The following ABR variants were observed in gnomAD, a reference collection of about 807,000 sequenced individuals.
The protein encoded by ABR is ABR activator of RhoGEF and GTPase, also known as active breakpoint cluster region-related protein.
ABR carries 35 observed loss-of-function variants against 107.2 expected under a neutral mutation model. That is an observed-to-expected ratio of 0.33 (90% confidence interval 0.25 to 0.43). ABR has a LOEUF of 0.43. Ranked by LOEUF, ABR falls within the 20% of genes least tolerant of loss-of-function variation. The pLI, the probability that ABR is intolerant of heterozygous loss-of-function variation, is 1.00. For missense variants in ABR, 815 were observed against 1,115.2 expected (o/e 0.73, Z 3.83); for synonymous variants, 498 against 462.0 (o/e 1.08, Z -1.00).
chr17:1,066,618 T>C (rs1045779155), intron 10 of ABR, among the ~76,000 whole-genome samples: 20 of 151,810 alleles, frequency 1.3e-4, no homozygotes, highest in African/African-American at 4.1e-4. Context: ...AACCTCCACC[T>C]CCCGGGTTCA....
intron 3 of ABR, among the ~76,000 whole-genome samples, chr17:1,093,941 G>A (rs2037212594): frequency 6.6e-6 from 1 of 152,198 alleles, no homozygotes; most frequent in Non-Finnish European, 1.5e-5. Context: ...GGACAAAGCA[G>A]GACCCTCCTT....
At chr17:1,026,274 C>T (rs2072186587) in intron 16 of ABR, among the ~76,000 whole-genome samples, 2 of 152,264 alleles carry the variant, frequency 1.3e-5, no homozygotes, top group Non-Finnish European at 2.9e-5. Flanking sequence ...CTCCCACCGG[C>T]CTGGCGCCCT....
chr17:1,204,444 CAAAA>C (rs1313372297), intron 1 of ABR, among the ~76,000 whole-genome samples: 3 of 151,994 alleles, frequency 2.0e-5, no homozygotes, highest in Admixed American at 6.6e-5. Flanking sequence ...GACTCTGTCT[CAAAA>C]AACAAACAAA....
chr17:1,060,599 G>A (rs2033811547), intron 10 of ABR, among the ~76,000 whole-genome samples: 1 of 152,150 alleles, frequency 6.6e-6, no homozygotes, highest in Non-Finnish European at 1.5e-5. Flanking sequence ...GTGGCGACCA[G>A]CTTTACCCTG....
chr17:1,192,594 T>C (rs1184921225), intron 1 of ABR, among the ~76,000 whole-genome samples: 1 of 151,624 alleles, frequency 6.6e-6, no homozygotes, highest in Admixed American at 6.6e-5. Flanking sequence ...CTGGCCAACA[T>C]GGTGAAATCC....
chr17:1,011,008 G>C lies in ABR; in HGVS notation c.2102-145C>G. Reference sequence around the variant, plus strand: ...AGCAGGATGTAGAGAGGGCCCACAGGTGTCTGTGACTCGGCTCTGTGGGTC... The same window carrying C: ...AGCAGGATGTAGAGAGGGCCCACAGCTGTCTGTGACTCGGCTCTGTGGGTC... On this transcript the variant is annotated intron_variant, in intron 19 of 22. Transcript: ENST00000302538. The surrounding 1 kb of genome is among the most constrained non-coding windows in gnomAD (Gnocchi z 4.8). The C allele has an allele frequency of 9.1e-7, 1 of 1,094,728 alleles. No homozygotes were observed. The highest frequency in any genetic ancestry group is 1.3e-6 in the Non-Finnish European group (1 of 761,154). 67.8% of individuals were successfully genotyped at this position (1,094,728 alleles called of 1,614,324 possible).
intron 16 of ABR, among the ~76,000 whole-genome samples, chr17:1,043,293 G>A (rs562527031): frequency 6.6e-5 from 10 of 152,056 alleles, no homozygotes; most frequent in East Asian, 1.9e-4. Context: ...TCAGTGTCCC[G>A]AATAGCTGGG....
In ABR at chr17:1,150,051, T is replaced by A. The variant is rs2040729953; in HGVS notation, c.62-24684A>T. ...TTATTGTCGTCACTGACGTTGTCAC[T>A]GCTGTTGTCCCTGTTGTTATGATTT... On this transcript the variant is annotated intron_variant, in intron 1 of 22. Transcript: ENST00000302538. The surrounding 1 kb of genome is among the most constrained non-coding windows in gnomAD (Gnocchi z 4.8). Among the ~76,000 whole-genome samples, 1 of 152,092 alleles carries A rather than the reference T, an allele frequency of 6.6e-6. No homozygotes were observed. The highest frequency in any genetic ancestry group is 1.5e-5 in the Non-Finnish European group (1 of 68,016).
At chr17:1,101,566 C>T (rs530791907) in intron 2 of ABR, among the ~76,000 whole-genome samples, 252 of 152,098 alleles carry the variant, frequency 1.7e-3, no homozygotes, top group Admixed American at 4.1e-3. Flanking sequence ...GTATGAATAC[C>T]GCAAAACGCG....
At position 1,012,698 on chromosome 17, in the gene ABR, C is replaced by T. The variant is rs758586333; in HGVS notation, c.1951G>A (p.Val651Met). 14 of 1,581,190 alleles carry T rather than the reference C, an allele frequency of 8.9e-6. No homozygotes were observed. Among genetic ancestry groups the T allele is most frequent in the East Asian group, 2.3e-5 (1 of 43,798 alleles). ...CGAGGCAGCACCTACTTCGTCACCA[C>T]GCTGATCTTCACACCGAAGACGCCG... ...QTGVFGVKIS[V>M]VTKRERSKVP... is the part of the protein sequence containing the mutation. The change falls in exon 18 of 23, where the codon GTG (valine) becomes ATG (methionine). Residue 651 changes from valine to methionine, a missense_variant. By Grantham distance (21) the Val-to-Met change is conservative (BLOSUM62 1). Around this residue, in one of 5 missense-constraint regions of ABR, gnomAD observed 175 missense variants for 284.3 expected, o/e 0.62. Transcript: ENST00000302538.
chr17:1,109,075 C>G, intron 2 of ABR: 2 of 1,582,416 alleles, frequency 1.3e-6, no homozygotes, highest in Non-Finnish European at 1.7e-6. Context: ...CCATGGCAGC[C>G]GGAGCCCGCG....
Position 1,179,629 on chromosome 17 carries a change from C to G in ABR, c.61+38G>C. 1 of 1,485,798 alleles carries G rather than the reference C, an allele frequency of 6.7e-7. No individual in the cohort carries two copies. The highest frequency in any genetic ancestry group is 9.0e-7 in the Non-Finnish European group (1 of 1,116,014). The allele number at this position is 1,485,798 out of a possible 1,614,324, so 92.0% of individuals were successfully genotyped here. On this transcript the variant is annotated intron_variant, in intron 1 of 22. Transcript: ENST00000302538. This position sits in a 1 kb window ranked among gnomAD's most constrained non-coding sequence, Gnocchi z 4.9. Reference sequence around the variant, plus strand: ...CCGATCTCCATCCTGGGGTCCCGATCCCGATCCTGGGGTCCCGCCCCCGCC... The same window carrying G: ...CCGATCTCCATCCTGGGGTCCCGATGCCGATCCTGGGGTCCCGCCCCCGCC...
intron 2 of ABR, among the ~76,000 whole-genome samples, chr17:1,113,867 C>T (rs527560837): frequency 1.1e-4 from 16 of 152,262 alleles, no homozygotes; most frequent in South Asian, 4.1e-4. Flanking sequence ...TTTGTGTCCA[C>T]GAATAAACTA....
intron 16 of ABR, chr17:1,031,541 G>GC (rs972767449): frequency 2.0e-5 from 1 of 50,122 alleles, no homozygotes; most frequent in Non-Finnish European, 4.0e-5. Flanking sequence ...GCAGCCCCCC[G>GC]AGCCCCGCAG....
At position 1,179,646 on chromosome 17, in the gene ABR, G is replaced by GC; in HGVS notation, c.61+20dup. The GC allele has an allele frequency of 2.0e-6, 3 of 1,515,998 alleles. No homozygotes were observed. Among genetic ancestry groups the GC allele is most frequent in the East Asian group, 2.7e-5 (1 of 37,398 alleles). 93.9% of individuals were successfully genotyped at this position (1,515,998 alleles called of 1,614,324 possible). The stretch of plus-strand genomic sequence containing the variant: ...GTCCCGATCCCGATCCTGGGGTCCC[G>GC]CCCCCGCCCGGCACACGTACTGCTG... On this transcript the variant is annotated intron_variant, in intron 1 of 22. Coordinates refer to ENST00000302538, the MANE Select transcript of ABR (RefSeq NM_021962.5). This position sits in a 1 kb window ranked among gnomAD's most constrained non-coding sequence, Gnocchi z 4.9.
At chr17:1,137,499 G>A (rs894089483) in intron 1 of ABR, among the ~76,000 whole-genome samples, 18 of 152,188 alleles carry the variant, frequency 1.2e-4, no homozygotes, top group Non-Finnish European at 1.9e-4. Flanking sequence ...GCTGGTGGGC[G>A]GAACAGCCAG....
At chr17:1,029,405 A>C (rs1407275726) in intron 16 of ABR, among the ~76,000 whole-genome samples, 1 of 152,098 alleles carries the variant, frequency 6.6e-6, no homozygotes, top group Admixed American at 6.5e-5. Flanking sequence ...CTCAGTTCTG[A>C]TCATGAGACC....
chr17:1,222,385 T>C (rs946480944), intron 1 of ABR, among the ~76,000 whole-genome samples: 1 of 152,100 alleles, frequency 6.6e-6, no homozygotes, highest in Non-Finnish European at 1.5e-5. Context: ...GGCTTCTTAA[T>C]ATCTCTTCAC....
At chr17:1,144,601 A>AG (rs1555603040) in intron 1 of ABR, among the ~76,000 whole-genome samples, 1,581 of 150,120 alleles carry the variant, frequency 0.011, 30 homozygotes, top group African/African-American at 0.034. Flanking sequence ...AAAAAAAAAA[A>AG]GGGGCAGGGG....
Sources: gnomAD v4.1 joint callset for allele counts (sites outside exome capture counted in the v4.1 genomes callset) on GRCh38, gnomAD v4.1.1 for gene constraint, gnomAD v4.1.1 regional missense constraint, Gnocchi (gnomAD v3.1) non-coding constraint, MANE v1.5 for transcripts, NCBI Gene and HGNC (gene_info 2026-07-23, HGNC 2026-07-21) for gene names.